ADK: variants seen among roughly 807,000 people sequenced by gnomAD.
ADK encodes the protein adenosine kinase.
A neutral mutation model predicts 44.7 loss-of-function variants in ADK; 24 were observed. The observed-to-expected ratio is 0.54, with a 90% CI of 0.39 to 0.76. The LOEUF (loss-of-function observed/expected upper bound fraction) is 0.76, where lower values mean the gene tolerates loss of function less well. Ranked by LOEUF, ADK falls within the 30% of genes least tolerant of loss-of-function variation. The pLI, the probability that ADK is intolerant of heterozygous loss-of-function variation, is 0.00. For missense variants in ADK, 321 were observed against 425.1 expected (o/e 0.76, Z 2.15); for synonymous variants, 128 against 142.6 (o/e 0.90, Z 0.73).
chr10:74,559,271 G>C (rs1431415551), intron 7 of ADK, among the ~76,000 whole-genome samples: 1 of 152,254 alleles, frequency 6.6e-6, no homozygotes, highest in African/African-American at 2.4e-5. Context: ...GGACCAGGCG[G>C]AGCCAGCAGC....
intron 3 of ADK, among the ~76,000 whole-genome samples, chr10:74,306,288 TTTTTA>T (rs1344847905): frequency 1.3e-5 from 2 of 152,132 alleles, no homozygotes; most frequent in Non-Finnish European, 2.9e-5. Flanking sequence ...AATTCTAATA[TTTTTA>T]TTTTATCTTC....
At chr10:74,245,311 C>T (rs1261805388) in intron 3 of ADK, among the ~76,000 whole-genome samples, 1 of 152,126 alleles carries the variant, frequency 6.6e-6, no homozygotes, top group Non-Finnish European at 1.5e-5. Flanking sequence ...ACATAATCCT[C>T]ATACATACCC....
chr10:74,190,693 G>C (rs1006602778), intron 1 of ADK, among the ~76,000 whole-genome samples: 5 of 152,160 alleles, frequency 3.3e-5, no homozygotes, highest in African/African-American at 9.7e-5. Context: ...GGAATTGCTA[G>C]TCAGCTCAAA....
intron 6 of ADK, among the ~76,000 whole-genome samples, chr10:74,439,060 G>A (rs971553867): frequency 6.6e-6 from 1 of 152,168 alleles, no homozygotes; most frequent in Admixed American, 6.5e-5. Flanking sequence ...AATGTCATAT[G>A]TAAAAGAGTA....
chr10:74,698,162 G>T (rs547089731), intron 10 of ADK, among the ~76,000 whole-genome samples: 1 of 152,122 alleles, frequency 6.6e-6, no homozygotes, highest in Non-Finnish European at 1.5e-5. Flanking sequence ...AGTCTATAAC[G>T]TCTCCTAAAG....
At chr10:74,301,948 C>T (rs1178943432) in intron 3 of ADK, among the ~76,000 whole-genome samples, 1 of 151,964 alleles carries the variant, frequency 6.6e-6, no homozygotes, top group Non-Finnish European at 1.5e-5. Context: ...AAGAGATTCA[C>T]CTGCAATTAA....
chr10:74,466,106 TCTTGGCAAA>T (rs1846348279), intron 6 of ADK, among the ~76,000 whole-genome samples: 1 of 152,182 alleles, frequency 6.6e-6, no homozygotes, highest in Admixed American at 6.5e-5. Flanking sequence ...TCTTCCCCCT[TCTTGGCAAA>T]CTTGTCTGAA....
At chr10:74,688,195 T>A (rs907825648) in intron 10 of ADK, among the ~76,000 whole-genome samples, 2 of 152,244 alleles carry the variant, frequency 1.3e-5, no homozygotes, top group African/African-American at 4.8e-5. Flanking sequence ...TCAACTCTTC[T>A]GTAATCATCC....
At chr10:74,276,202 C>T (rs1189856403) in intron 3 of ADK, among the ~76,000 whole-genome samples, 1 of 152,156 alleles carries the variant, frequency 6.6e-6, no homozygotes, top group Non-Finnish European at 1.5e-5. Context: ...ATATATGATT[C>T]TGTTGTGTAA....
At chr10:74,670,403 C>A in intron 10 of ADK, 134 bp downstream of exon 10, 1 of 708,858 alleles carries the variant, frequency 1.4e-6, no homozygotes, top group South Asian at 1.7e-5. Flanking sequence ...AAGTTCTTTC[C>A]ATATACTTCT....
chr10:74,418,199 A>G (rs759324413), intron 6 of ADK, among the ~76,000 whole-genome samples: 32 of 152,292 alleles, frequency 2.1e-4, no homozygotes, highest in Middle Eastern at 6.8e-3. Flanking sequence ...TCCCCAAAAT[A>G]AAATGTTTCT....
chr10:74,632,655 AT>A (rs1315247187), intron 9 of ADK, among the ~76,000 whole-genome samples: 1 of 152,140 alleles, frequency 6.6e-6, no homozygotes, highest in Non-Finnish European at 1.5e-5. Context: ...ATAAGGCCTA[AT>A]CTAATCTAGT....
intron 6 of ADK, among the ~76,000 whole-genome samples, chr10:74,410,781 A>G (rs2132948485): frequency 6.6e-6 from 1 of 152,370 alleles, no homozygotes; most frequent in Non-Finnish European, 1.5e-5. Flanking sequence ...TACTGTTACA[A>G]TAAGTACACT....
At chr10:74,224,422 T>C (rs1591887943) in intron 2 of ADK, 116 bp from the exon 3 acceptor site, 1 of 798,318 alleles carries the variant, frequency 1.3e-6, no homozygotes, top group East Asian at 2.7e-5. Flanking sequence ...CTTGGTGTTT[T>C]ATCAATTAAG....
At chr10:74,167,022 A>C (rs1842053387) in intron 1 of ADK, among the ~76,000 whole-genome samples, 1 of 152,230 alleles carries the variant, frequency 6.6e-6, no homozygotes, top group African/African-American at 2.4e-5. Flanking sequence ...GTATTGCACA[A>C]GTGGTATTTT....
chr10:74,320,292 T>C (rs1223436996), intron 4 of ADK, among the ~76,000 whole-genome samples: 2 of 152,220 alleles, frequency 1.3e-5, no homozygotes, highest in Non-Finnish European at 1.5e-5. Context: ...AACTCACTGC[T>C]TTTTGGCCTA....
intron 3 of ADK, among the ~76,000 whole-genome samples, chr10:74,245,562 C>A (rs937253206): frequency 4.0e-5 from 6 of 150,086 alleles, no homozygotes; most frequent in Non-Finnish European, 5.9e-5. Context: ...TTAGTGACAA[C>A]AAGTATTCCT....
Position 74,291,440 on chromosome 10 carries a change from CAAT to C in ADK, c.195-23224_195-23222del, listed in dbSNP as rs1486251926. Among the ~76,000 whole-genome samples the C allele has an allele frequency of 4.0e-3, 601 of 152,140 alleles. 8 individuals are homozygous for C. Among genetic ancestry groups the C allele is most frequent in the African/African-American group, 0.013 (535 of 41,522 alleles). ...TCAAAAACAACAACAACAACAACAA[CAAT>C]AACAACAAAACCCTAATGTCACATA... On this transcript the variant is annotated intron_variant, in intron 3 of 10. Transcript: ENST00000539909.
chr10:74,268,354 CT>C (rs74628173), intron 3 of ADK, among the ~76,000 whole-genome samples: 1,143 of 141,670 alleles, frequency 8.1e-3, no homozygotes, highest in Middle Eastern at 0.011. Context: ...ACATGAAAAA[CT>C]TTTTTTTTTT....
Sources: gnomAD v4.1 joint callset for allele counts (sites outside exome capture counted in the v4.1 genomes callset) on GRCh38, gnomAD v4.1.1 for gene constraint, MANE v1.5 for transcripts, NCBI Gene and HGNC (gene_info 2026-07-23, HGNC 2026-07-21) for gene names.